PCDHA1: variants seen among roughly 807,000 people sequenced by gnomAD.
The protein encoded by PCDHA1 is protocadherin alpha 1.
In PCDHA1, 42 loss-of-function variants were observed where a neutral mutation model predicts 61.3. That is an observed-to-expected ratio of 0.69 (90% CI 0.54 to 0.89). The LOEUF is 0.89. Ranked by LOEUF, PCDHA1 falls within the 40% of genes least tolerant of loss-of-function variation. PCDHA1 has a pLI of 0.00. For missense variants in PCDHA1, 1,256 were observed against 1,235.3 expected (o/e 1.02, Z -0.25); for synonymous variants, 610 against 553.8 (o/e 1.10, Z -1.43).
intron 1 of PCDHA1, among the ~76,000 whole-genome samples, chr5:140,818,143 A>G (rs1554127393): frequency 6.6e-6 from 1 of 152,256 alleles, no homozygotes; most frequent in African/African-American, 2.4e-5. Context: ...GTATGCCTTC[A>G]AATACGGCTT....
At chr5:140,968,770 A>G in intron 1 of PCDHA1, 2 of 1,614,216 alleles carry the variant, frequency 1.2e-6, no homozygotes, top group Non-Finnish European at 1.7e-6. Context: ...ATGGAGAGCC[A>G]TCACTATCAG....
chr5:140,823,264 C>T (rs1052475502), intron 1 of PCDHA1: 1 of 1,612,910 alleles, frequency 6.2e-7, no homozygotes, highest in Non-Finnish European at 8.5e-7. Flanking sequence ...GGTGGAGCGG[C>T]GGGTGGGCGA....
rs187844001 is a variant in PCDHA1 at position 140,981,487 on chromosome 5, T to C, written c.2454-988T>C. On this transcript the variant is annotated intron_variant, in intron 2 of 3. Coordinates refer to ENST00000504120, the MANE Select transcript of PCDHA1 (RefSeq NM_018900.4). ...TACTTGGGAGGCTGAGGCAGGAGAA[T>C]TGCTTGAACCTGGGAGGCAGAGGTT... Among the ~76,000 whole-genome samples the C allele has an allele frequency of 5.5e-3, 843 of 152,250 alleles. 8 individuals carry two copies. Among genetic ancestry groups the C allele is most frequent in the African/African-American group, 0.019 (806 of 41,542 alleles).
intron 1 of PCDHA1, chr5:140,869,010 T>A (rs919333995): frequency 4.6e-6 from 7 of 1,523,886 alleles, no homozygotes; most frequent in Middle Eastern, 1.8e-4. Context: ...CCTTTGAAAC[T>A]TCTTAAGAAT....
intron 1 of PCDHA1, chr5:140,823,845 T>G: frequency 6.2e-7 from 1 of 1,613,850 alleles, no homozygotes; most frequent in Non-Finnish European, 8.5e-7. Context: ...GTCCCGAGGC[T>G]GCCCTGGTGG....
chr5:140,949,260 T>C (rs1292112980), intron 1 of PCDHA1, among the ~76,000 whole-genome samples: 1 of 151,804 alleles, frequency 6.6e-6, no homozygotes, highest in Non-Finnish European at 1.5e-5. Flanking sequence ...GATGAACATA[T>C]CACGTGCACT....
rs782656813 is a variant in PCDHA1, at chr5:140,786,310, G to A, written c.20G>A (p.Gly7Glu). Residue 7 changes from glycine (G) to glutamate (E), a missense_variant, in exon 1 of 4, where the codon GGG becomes GAG. Coordinates refer to ENST00000504120, the MANE Select transcript of PCDHA1 (RefSeq NM_018900.4). ...TTTGCAATGGTGTTTTCTAGGAGAG[G>A]GGGCCTGGGAGCCCGGGATCTGCTT... MVFSRR[G>E]GLGARDLLLW... 1.7e-5 allele frequency: 28 copies of A among 1,608,912 alleles called. No individual in the cohort carries two copies. Among genetic ancestry groups the A allele is most frequent in the South Asian group, 1.4e-4 (13 of 90,520 alleles).
intron 1 of PCDHA1, chr5:140,883,054 C>T: frequency 6.2e-7 from 1 of 1,614,072 alleles, no homozygotes; most frequent in South Asian, 1.1e-5. Context: ...CATTAGTGAT[C>T]AAGCTAAATG....
intron 1 of PCDHA1, chr5:140,797,011 T>C (rs1239145477): frequency 6.2e-7 from 1 of 1,613,518 alleles, no homozygotes; most frequent in Non-Finnish European, 8.5e-7. Flanking sequence ...GTCGCGGGCG[T>C]GGGTGGGCGC....
At chr5:140,823,837 C>T (rs1767893476) in intron 1 of PCDHA1, 4 of 1,613,714 alleles carry the variant, frequency 2.5e-6, no homozygotes, top group Middle Eastern at 1.6e-4. Context: ...CGCTGTGGGT[C>T]CCGAGGCTGC....
At position 140,824,610 on chromosome 5, in the gene PCDHA1, G is replaced by GTTTTTTTTTTTTTTTTTTTTTT. The variant is rs782443702; in HGVS notation, c.2394+35927_2394+35948dup. ...GGACTACATGCACATGCTAATTAAA[G>GTTTTTTTTTTTTTTTTTTTTTT]TTTTTTTTTTTTTTTTTTTTTTATT... On this transcript the variant is annotated intron_variant, in intron 1 of 3. Coordinates refer to ENST00000504120, the MANE Select transcript of PCDHA1 (RefSeq NM_018900.4). 6 of 95,112 alleles carry GTTTTTTTTTTTTTTTTTTTTTT rather than the reference G, an allele frequency of 6.3e-5. 1 individual carries two copies. Among genetic ancestry groups the GTTTTTTTTTTTTTTTTTTTTTT allele is most frequent in the African/African-American group, 2.4e-4 (5 of 20,574 alleles). 5.9% of individuals were successfully genotyped at this position (95,112 alleles called of 1,614,324 possible).
rs782045843 is a variant in PCDHA1 at position 140,884,051 on chromosome 5, C to A, written c.2395-94898C>A. Reference sequence around the variant, plus strand: ...TGCAGGCCACGTGGTGGCGAAGGTGCGCGCGGTGGACGCCGATTCGGGCTA... The same window carrying A: ...TGCAGGCCACGTGGTGGCGAAGGTGAGCGCGGTGGACGCCGATTCGGGCTA... On this transcript the variant is annotated intron_variant, in intron 1 of 3. Coordinates refer to ENST00000504120, the MANE Select transcript of PCDHA1 (RefSeq NM_018900.4). The A allele has an allele frequency of 9.3e-6, 15 of 1,613,426 alleles. No homozygotes were observed. In the South Asian group the frequency reaches 1.6e-4, roughly 18 times the overall value.
At chr5:141,007,395 CAAAAA>C (rs35800918) in intron 3 of PCDHA1, among the ~76,000 whole-genome samples, 1 of 94,866 alleles carries the variant, frequency 1.1e-5, no homozygotes, top group Non-Finnish European at 2.1e-5. Flanking sequence ...TACTAAAATA[CAAAAA>C]AAAAAAAAAA....
intron 1 of PCDHA1, among the ~76,000 whole-genome samples, chr5:140,910,535 T>G (rs2153515129): frequency 6.6e-6 from 1 of 152,274 alleles, no homozygotes; most frequent in African/African-American, 2.4e-5. Flanking sequence ...CCCTCACAAA[T>G]CTATTTTGCA....
chr5:140,872,792 G>T (rs1474880199), intron 1 of PCDHA1, among the ~76,000 whole-genome samples: 1 of 152,054 alleles, frequency 6.6e-6, no homozygotes, highest in African/African-American at 2.4e-5. Context: ...ATGCTAGTTG[G>T]CATTCTTCCA....
intron 1 of PCDHA1, chr5:140,849,923 G>A (rs145904051): frequency 6.3e-7 from 1 of 1,598,322 alleles, no homozygotes; most frequent in Middle Eastern, 1.7e-4. Context: ...ACATCTTCAC[G>A]GTGTCTGCGC....
At chr5:140,800,714 G>A (rs1554121201) in intron 1 of PCDHA1, among the ~76,000 whole-genome samples, 2 of 152,096 alleles carry the variant, frequency 1.3e-5, no homozygotes, top group African/African-American at 4.8e-5. Context: ...ATAATTTAAC[G>A]GGATAATTCC....
chr5:140,877,625 A>T (rs1554169929), intron 1 of PCDHA1: 1 of 1,613,774 alleles, frequency 6.2e-7, no homozygotes, highest in Non-Finnish European at 8.5e-7. Context: ...CTGCTGCTGT[A>T]CACTGCGCTG....
In PCDHA1 at chr5:140,877,704, C is replaced by T. The variant is rs116613760; in HGVS notation, c.2394+89020C>T. 1.6e-3 allele frequency: 2,639 copies of T among 1,613,952 alleles called. 39 individuals are homozygous for T. The African/African-American group carries it at 0.027, about 17-fold the overall frequency. On this transcript the variant is annotated intron_variant, in intron 1 of 3. Coordinates refer to ENST00000504120, the MANE Select transcript of PCDHA1 (RefSeq NM_018900.4). ...AGCCCACGCTGGTGTGCTCCAGCGC[C>T]GTGGGGAGTTGGTCTTACTCGCAGC...
Sources: gnomAD v4.1 joint callset for allele counts (sites outside exome capture counted in the v4.1 genomes callset) on GRCh38, gnomAD v4.1.1 for gene constraint, MANE v1.5 for transcripts, NCBI Gene and HGNC (gene_info 2026-07-23, HGNC 2026-07-21) for gene names.